Variants in SNX29 observed in about 807,000 individuals in gnomAD.
SNX29 encodes the protein sorting nexin-29.
SNX29 carries 78 observed loss-of-function variants against 102.1 expected under a neutral mutation model. The observed-to-expected ratio is 0.76, with a 90% CI of 0.64 to 0.92. SNX29 has a LOEUF of 0.92. SNX29 is among the 40% of genes least tolerant of loss of function. SNX29 has a pLI of 0.00. For synonymous variants in SNX29, 580 were observed against 414.5 expected, an observed-to-expected ratio of 1.40 and a Z score of -4.85; for missense variants, 1,280 against 1,061.7, an observed-to-expected ratio of 1.21 and a Z score of -2.86.
At chr16:12,554,173 G>C (rs2078174350) in intron 20 of SNX29, among the ~76,000 whole-genome samples, 1 of 152,210 alleles carries the variant, frequency 6.6e-6, no homozygotes, top group Non-Finnish European at 1.5e-5. Context: ...AGCAATGTGT[G>C]AATAAGTTCT....
At chr16:12,045,964 T>C (rs926322189) in intron 5 of SNX29, among the ~76,000 whole-genome samples, 1 of 152,050 alleles carries the variant, frequency 6.6e-6, no homozygotes, top group African/African-American at 2.4e-5. Context: ...GATGAAGCCG[T>C]AGAGGCTCTG....
At chr16:12,135,229 G>A (rs946177577) in intron 13 of SNX29, among the ~76,000 whole-genome samples, 4 of 152,250 alleles carry the variant, frequency 2.6e-5, no homozygotes, top group African/African-American at 9.6e-5. Flanking sequence ...CAGGCACACT[G>A]AGAAATTGTG....
At chr16:12,057,428 C>T (rs914434680) in intron 8 of SNX29, among the ~76,000 whole-genome samples, 7 of 152,116 alleles carry the variant, frequency 4.6e-5, no homozygotes, top group Non-Finnish European at 1.0e-4. Context: ...AGGGGCTGAC[C>T]TCATAGACAG....
At chr16:12,147,306 G>A (rs1203875246) in intron 13 of SNX29, among the ~76,000 whole-genome samples, 1 of 152,112 alleles carries the variant, frequency 6.6e-6, no homozygotes, top group African/African-American at 2.4e-5. Flanking sequence ...CCAGCCCATC[G>A]CTTTCCCCCA....
intron 2 of SNX29, among the ~76,000 whole-genome samples, chr16:12,001,506 T>C (rs927730250): frequency 6.6e-6 from 1 of 152,200 alleles, no homozygotes; most frequent in African/African-American, 2.4e-5. Context: ...AAATAAACTT[T>C]ATTGATGTAT....
At chr16:12,265,761 A>G (rs1180470645) in intron 14 of SNX29, among the ~76,000 whole-genome samples, 1 of 149,648 alleles carries the variant, frequency 6.7e-6, no homozygotes, top group Non-Finnish European at 1.5e-5. Flanking sequence ...TTGATGGCAC[A>G]CGCCTGTAGT....
chr16:12,415,692 C>T (rs1047025252), intron 18 of SNX29, among the ~76,000 whole-genome samples: 8 of 152,044 alleles, frequency 5.3e-5, no homozygotes, highest in African/African-American at 1.7e-4. Flanking sequence ...GCCTGGTGAG[C>T]GGACTTGGTC....
intron 15 of SNX29, among the ~76,000 whole-genome samples, chr16:12,326,342 T>TC (rs1555511688): frequency 4.0e-5 from 6 of 148,494 alleles, no homozygotes; most frequent in Non-Finnish European, 5.9e-5. Flanking sequence ...TTTTTTTTTT[T>TC]CCCTGTCCAG....
intron 15 of SNX29, among the ~76,000 whole-genome samples, chr16:12,346,836 G>T (rs11648926): frequency 0.4 from 60,956 of 151,940 alleles, 14,139 homozygotes; most frequent in Non-Finnish European, 0.55. Flanking sequence ...TTGTCTCCAG[G>T]GGGGTAGCAG....
At chr16:12,067,086 G>C (rs537892324) in intron 9 of SNX29, among the ~76,000 whole-genome samples, 1 of 152,114 alleles carries the variant, frequency 6.6e-6, no homozygotes, top group East Asian at 1.9e-4. Flanking sequence ...TCAGGAGGCT[G>C]AGGTGGGAGG....
intron 20 of SNX29, among the ~76,000 whole-genome samples, chr16:12,541,390 G>C (rs147462120): frequency 1.3e-5 from 2 of 152,116 alleles, no homozygotes; most frequent in African/African-American, 2.4e-5. Context: ...CCATGTGCAG[G>C]CTCATTGTAC....
chr16:12,329,427 C>G (rs1225782573), intron 15 of SNX29, among the ~76,000 whole-genome samples: 1 of 152,130 alleles, frequency 6.6e-6, no homozygotes, highest in South Asian at 2.1e-4. Flanking sequence ...CAGGTGCTGG[C>G]TTACTGGGTT....
At chr16:12,550,738 A>T (rs557531518) in intron 20 of SNX29, among the ~76,000 whole-genome samples, 9 of 152,192 alleles carry the variant, frequency 5.9e-5, no homozygotes, top group Admixed American at 2.6e-4. Context: ...TTGCCTATTT[A>T]AAAAAGGTGA....
At chr16:12,006,110 A>G (rs9939420) in intron 3 of SNX29, among the ~76,000 whole-genome samples, 15,194 of 151,766 alleles carry the variant, frequency 0.1, 878 homozygotes, top group African/African-American at 0.15. Flanking sequence ...AGGCTGAGGT[A>G]GGAGGATTGC....
Position 12,368,941 on chromosome 16 carries a change from A to G in SNX29, c.1899+12662A>G, listed in dbSNP as rs575267638. 2.4e-4 allele frequency among the ~76,000 whole-genome samples: 36 copies of G among 152,212 alleles called. No homozygotes were observed. In the South Asian group the frequency reaches 7.3e-3, roughly 31 times the overall value. On this transcript the variant is annotated intron_variant, in intron 16 of 20. Coordinates refer to ENST00000566228, the MANE Select transcript of SNX29 (RefSeq NM_032167.5). ...CGGGTGCACAGATATGGATTCATCA[A>G]AATCCTGAGCTCATGACCCACATTC...
chr16:12,190,381 G>C (rs553311113), intron 13 of SNX29, among the ~76,000 whole-genome samples: 1 of 152,248 alleles, frequency 6.6e-6, no homozygotes, highest in African/African-American at 2.4e-5. Context: ...CTCTAGATAG[G>C]GGAAGATGAG....
At chr16:12,542,759 CTTTTTT>C (rs36004047) in intron 20 of SNX29, among the ~76,000 whole-genome samples, 1 of 144,774 alleles carries the variant, frequency 6.9e-6, no homozygotes, top group South Asian at 2.2e-4. Context: ...CTATCACTGC[CTTTTTT>C]TTTTTTTTAA....
chr16:12,152,373 A>C (rs2055338253), intron 13 of SNX29, among the ~76,000 whole-genome samples: 1 of 152,202 alleles, frequency 6.6e-6, no homozygotes, highest in Admixed American at 6.5e-5. Context: ...ACAGATTGGG[A>C]AGATGGGACA....
At chr16:12,184,795 T>G (rs978310349) in intron 13 of SNX29, among the ~76,000 whole-genome samples, 2 of 152,216 alleles carry the variant, frequency 1.3e-5, no homozygotes, top group African/African-American at 4.8e-5. Context: ...CAGAAACATG[T>G]TTTACTCAAG....
Sources: allele counts gnomAD v4.1 joint callset (sites outside exome capture counted in the v4.1 genomes callset), GRCh38; gene constraint gnomAD v4.1.1; transcripts MANE v1.5; gene names NCBI Gene and HGNC (gene_info 2026-07-23, HGNC 2026-07-21).